Variants in PCDHGA3 observed in about 807,000 individuals in gnomAD.
PCDHGA3 encodes the protein protocadherin gamma-A3.
Under a neutral mutation model 58.5 loss-of-function variants are expected in PCDHGA3, and 40 were observed. The observed-to-expected ratio is 0.68, with a 90% confidence interval of 0.53 to 0.89. The LOEUF is 0.89. Among genes scored for constraint, PCDHGA3 ranks in the 40% least tolerant of loss-of-function variants. The pLI is 0.00. For synonymous variants in PCDHGA3, 530 were observed against 525.7 expected (o/e 1.01, Z -0.11); for missense variants, 1,223 against 1,195.9 (o/e 1.02, Z -0.33).
intron 1 of PCDHGA3, chr5:141,423,595 G>A: frequency 6.2e-7 from 1 of 1,613,216 alleles, no homozygotes; most frequent in Non-Finnish European, 8.5e-7. Flanking sequence ...TGAGAAAAGC[G>A]AGCCACTCTT....
At chr5:141,355,340 A>G (rs1203546160) in intron 1 of PCDHGA3, 1 of 1,614,038 alleles carries the variant, frequency 6.2e-7, no homozygotes, top group Non-Finnish European at 8.5e-7. Flanking sequence ...GTGGTGGGCA[A>G]CATCGCCAAG....
In PCDHGA3 at chr5:141,493,364, TTGGAAC is replaced by T. The variant is rs1405602213; in HGVS notation, c.2425-1441_2425-1436del. Among the ~76,000 whole-genome samples, 1 of 152,184 alleles carries T rather than the reference TTGGAAC, an allele frequency of 6.6e-6. No homozygotes were observed. Among genetic ancestry groups the T allele is most frequent in the South Asian group, 2.1e-4 (1 of 4,824 alleles). On this transcript the variant is annotated intron_variant, in intron 1 of 3. Coordinates refer to ENST00000253812, the MANE Select transcript of PCDHGA3 (RefSeq NM_018916.4). The surrounding 1 kb of genome is among the most constrained non-coding windows in gnomAD (Gnocchi z 4.3). Reference sequence around the variant, plus strand: ...ATGTGTGCTTTTAATTTCTTGGCACTTGGAACTTTAAAAGCTTGAGGACAGGAGAGG... The same window carrying T: ...ATGTGTGCTTTTAATTTCTTGGCACTTTTAAAAGCTTGAGGACAGGAGAGG...
At chr5:141,349,393 A>G (rs1158301459) in intron 1 of PCDHGA3, among the ~76,000 whole-genome samples, 1 of 152,186 alleles carries the variant, frequency 6.6e-6, no homozygotes, top group African/African-American at 2.4e-5. Context: ...TCATATAAAA[A>G]AGAAGCACTG....
intron 1 of PCDHGA3, among the ~76,000 whole-genome samples, chr5:141,484,821 G>A (rs1367529999): frequency 6.6e-6 from 1 of 152,122 alleles, no homozygotes; most frequent in Admixed American, 6.5e-5. Context: ...CGTTGAGCGG[G>A]AGGAAGGCGA....
At chr5:141,399,435 A>G (rs568070353) in intron 1 of PCDHGA3, 20 of 1,613,972 alleles carry the variant, frequency 1.2e-5, no homozygotes, top group African/African-American at 9.3e-5. Context: ...GCGTCATCCT[A>G]CATATCAGAG....
chr5:141,509,602 C>T (rs921950654), intron 3 of PCDHGA3, among the ~76,000 whole-genome samples: 8 of 152,194 alleles, frequency 5.3e-5, no homozygotes, highest in Non-Finnish European at 8.8e-5. Context: ...TTCCGAGAGG[C>T]TGCATTCTAA....
intron 1 of PCDHGA3, chr5:141,356,899 T>C: frequency 6.2e-7 from 1 of 1,614,188 alleles, no homozygotes; most frequent in African/African-American, 1.3e-5. Context: ...GTACCCCACC[T>C]TCCCTACTGA....
At chr5:141,428,184 C>A in intron 1 of PCDHGA3, 32 of 1,463,670 alleles carry the variant, frequency 2.2e-5, no homozygotes, top group Non-Finnish European at 3.0e-5. Context: ...GGAGGACAGC[C>A]GCCGCTCTCT....
At position 141,345,852 on chromosome 5, in the gene PCDHGA3, C is replaced by G. The variant is rs778125915; in HGVS notation, c.1819C>G (p.Arg607Gly). 1.2e-6 allele frequency: 2 copies of G among 1,613,350 alleles called. No individual in the cohort carries two copies. Among genetic ancestry groups the G allele is most frequent in the African/African-American group, 2.7e-5 (2 of 74,882 alleles). Residue 607 changes from arginine to glycine, a missense_variant, in exon 1 of 4, where the codon CGC (arginine) becomes GGC (glycine). By Grantham distance (125) the Arg-to-Gly change is moderately radical. Coordinates refer to ENST00000253812, the MANE Select transcript of PCDHGA3 (RefSeq NM_018916.4). ...GGGCCAGAACGCCTGGCTGTCCTAC[C>G]GCCTGCTCAAGGCCAGCGAGCCGGG... is the stretch of plus-strand genomic sequence containing the variant. ...DSGQNAWLSY[R>G]LLKASEPGLF... is the part of the protein sequence containing the mutation.
Position 141,505,420 on chromosome 5 carries a change from C to G in PCDHGA3, c.2511C>G (p.Thr837=), listed in dbSNP as rs1236398971. 6.2e-7 allele frequency: 1 copy of G among 1,614,102 alleles called. No individual in the cohort carries two copies. Among genetic ancestry groups the G allele is most frequent in the Non-Finnish European group, 8.5e-7 (1 of 1,180,034 alleles). ...SGSQNGDDTG[T]WPNNQFDTEM... is the part of the protein sequence containing the mutation. ...CCCAAAATGGCGATGACACCGGCACCTGGCCCAACAACCAGTTTGACACAG... is the reference window on the plus strand; with the variant it reads ...CCCAAAATGGCGATGACACCGGCACGTGGCCCAACAACCAGTTTGACACAG... The change falls in exon 3 of 4, where the codon ACC becomes ACG. Residue 837 remains threonine (T), a synonymous_variant. Coordinates refer to ENST00000253812, the MANE Select transcript of PCDHGA3 (RefSeq NM_018916.4).
rs189405542 is a variant in PCDHGA3, at chr5:141,370,398, G to A, written c.2424+23941G>A. On this transcript the variant is annotated intron_variant, in intron 1 of 3. Transcript: ENST00000253812. ...AGGCAAAGGCGCAGAGAGCGGGATG[G>A]GAAATAGCTCCGGATGGAGGGGCCC... 5 of 1,550,336 alleles carry A rather than the reference G, an allele frequency of 3.2e-6. No individual in the cohort carries two copies. In the Admixed American group the frequency reaches 1.0e-4, roughly 32 times the overall value.
chr5:141,397,919 C>T (rs1158998805), intron 1 of PCDHGA3: 12 of 723,342 alleles, frequency 1.7e-5, no homozygotes, highest in Non-Finnish European at 2.2e-5. Context: ...TCCAGATCTC[C>T]TCGCGCAGCC....
chr5:141,473,274 TA>T (rs2099318463), intron 1 of PCDHGA3, among the ~76,000 whole-genome samples: 1 of 152,210 alleles, frequency 6.6e-6, no homozygotes, highest in South Asian at 2.1e-4. Context: ...ATGCTATGAT[TA>T]TTTTACTATG....
chr5:141,476,205 C>G lies in PCDHGA3; in HGVS notation c.2425-18602C>G. ...CTGCTTGGTGCCTTGAACAAGGCTT[C>G]CACGGTCATTCACTATGAGATCCCG... On this transcript the variant is annotated intron_variant, in intron 1 of 3. Transcript: ENST00000253812. The surrounding 1 kb of genome is among the most constrained non-coding windows in gnomAD (Gnocchi z 7.6). 1 of 1,613,892 alleles carries G rather than the reference C, an allele frequency of 6.2e-7. No homozygotes were observed. Among genetic ancestry groups the G allele is most frequent in the Non-Finnish European group, 8.5e-7 (1 of 1,180,012 alleles).
intron 1 of PCDHGA3, chr5:141,479,247 C>A (rs1428944159): frequency 6.6e-6 from 1 of 152,084 alleles, no homozygotes; most frequent in Non-Finnish European, 1.5e-5. Flanking sequence ...CAAAGATAAC[C>A]ATTTTTAATT....
chr5:141,408,290 A>T (rs767669019), intron 1 of PCDHGA3: 80 of 1,613,008 alleles, frequency 5.0e-5, no homozygotes, highest in Non-Finnish European at 6.1e-5. Context: ...CCCCACCCTG[A>T]GTGAGCCGAT....
chr5:141,364,567 G>C, intron 1 of PCDHGA3: 1 of 1,614,130 alleles, frequency 6.2e-7, no homozygotes, highest in Non-Finnish European at 8.5e-7. Flanking sequence ...CCCTGAACCC[G>C]CGAAGCGGCA....
chr5:141,372,198 G>C lies in PCDHGA3; in HGVS notation c.2424+25741G>C, dbSNP rs776842752. The C allele has an allele frequency of 8.1e-6, 13 of 1,613,456 alleles. No individual in the cohort carries two copies. In the African/African-American group the frequency reaches 1.5e-4, roughly 18 times the overall value. On this transcript the variant is annotated intron_variant, in intron 1 of 3. Coordinates refer to ENST00000253812, the MANE Select transcript of PCDHGA3 (RefSeq NM_018916.4). ...GGTGGACGCAGACTCGGGATACAACGCCTGGCTGTCCTACCACATTGTGCA... is the reference window on the plus strand; with the variant it reads ...GGTGGACGCAGACTCGGGATACAACCCCTGGCTGTCCTACCACATTGTGCA...
intron 1 of PCDHGA3, chr5:141,370,594 G>A (rs755061180): frequency 1.2e-6 from 2 of 1,613,892 alleles, no homozygotes; most frequent in Admixed American, 1.7e-5. Context: ...AGGAACCTGC[G>A]GGTTATTGCA....
Sources: gnomAD v4.1 joint callset for allele counts (sites outside exome capture counted in the v4.1 genomes callset) on GRCh38, gnomAD v4.1.1 for gene constraint, Gnocchi (gnomAD v3.1) non-coding constraint, MANE v1.5 for transcripts, NCBI Gene and HGNC (gene_info 2026-07-23, HGNC 2026-07-21) for gene names.